ZNF317: variants seen among roughly 807,000 people sequenced by gnomAD.
ZNF317 encodes the protein zinc finger protein 317, also known as KRAB-containing zinc finger protein 317.
ZNF317 carries 17 observed loss-of-function variants against 23.4 expected under a neutral mutation model. That is an observed-to-expected ratio of 0.73 (90% CI 0.50 to 1.09). The LOEUF (loss-of-function observed/expected upper bound fraction) is 1.09, where lower values mean the gene tolerates loss of function less well. Among genes scored for constraint, ZNF317 ranks in the 50% least tolerant of loss-of-function variants. ZNF317 has a pLI of 0.00. For missense variants in ZNF317, 679 were observed against 796.7 expected, an observed-to-expected ratio of 0.85 and a Z score of 1.78; for synonymous variants, 317 against 314.9, an observed-to-expected ratio of 1.01 and a Z score of -0.07.
chr19:9,158,198 G>C, intron 5 of ZNF317, 123 bp downstream of exon 5: 2 of 1,278,278 alleles, frequency 1.6e-6, no homozygotes, highest in South Asian at 3.4e-5. Context: ...CCCTCTTTTT[G>C]CCCATCCATT....
intron 6 of ZNF317, among the ~76,000 whole-genome samples, chr19:9,159,505 A>G (rs541836155): frequency 1.3e-5 from 2 of 150,796 alleles, no homozygotes; most frequent in African/African-American, 2.4e-5. Context: ...CCCAGCCTCA[A>G]TTCAGTGGTT....
chr19:9,148,978 A>G (rs1438916667), intron 1 of ZNF317, among the ~76,000 whole-genome samples: 1 of 152,210 alleles, frequency 6.6e-6, no homozygotes, highest in Admixed American at 6.5e-5. Context: ...GGCCAAGGGT[A>G]TCAGTTGGTT....
chr19:9,158,983 C>A, intron 6 of ZNF317, 75 bp downstream of exon 6: 1 of 998,560 alleles, frequency 1.0e-6, no homozygotes, highest in Non-Finnish European at 1.6e-6. Flanking sequence ...GTTAGAAAAG[C>A]AGTTCAACAC....
chr19:9,156,202 G>T (rs2050780855), intron 2 of ZNF317, among the ~76,000 whole-genome samples, 161 bp downstream of exon 2: 1 of 149,230 alleles, frequency 6.7e-6, no homozygotes, highest in Non-Finnish European at 1.5e-5. Context: ...CAGTGACTGT[G>T]TCTGCTGAGG....
chr19:9,140,622 C>T (rs907087956), intron 1 of ZNF317, 30 bp downstream of exon 1: 6 of 455,376 alleles, frequency 1.3e-5, no homozygotes, highest in Non-Finnish European at 2.6e-5. Flanking sequence ...ACCCTTCTCC[C>T]CCTCAGTTCC....
chr19:9,151,045 A>G (rs893685013), intron 1 of ZNF317, among the ~76,000 whole-genome samples: 1 of 152,206 alleles, frequency 6.6e-6, no homozygotes, highest in African/African-American at 2.4e-5. Flanking sequence ...TATTTGTAGA[A>G]TTGGCATTAA....
In ZNF317 at chr19:9,161,303, C is replaced by G. The variant is rs918921445; in HGVS notation, c.1658C>G (p.Thr553Ser). 2.0e-5 allele frequency: 32 copies of G among 1,613,756 alleles called. No homozygotes were observed. The highest frequency in any genetic ancestry group is 2.7e-5 in the Non-Finnish European group (32 of 1,179,834). Residue 553 changes from threonine to serine, a missense_variant, in exon 7 of 7, where the codon ACC (threonine) becomes AGC (serine). Physicochemically the swap from Thr to Ser is moderately conservative, Grantham distance 58. Coordinates refer to ENST00000247956, the MANE Select transcript of ZNF317 (RefSeq NM_020933.5). This position sits in a 1 kb window ranked among gnomAD's most constrained non-coding sequence, Gnocchi z 4.0. Reference protein sequence around the residue: ...SNLNVHRRIHTGEKPYECLVC... With the variant: ...SNLNVHRRIHSGEKPYECLVC... ...CTGAATGTGCACAGGCGGATCCACACCGGGGAGAAGCCCTACGAATGCCTT... is the reference window on the plus strand; with the variant it reads ...CTGAATGTGCACAGGCGGATCCACAGCGGGGAGAAGCCCTACGAATGCCTT...
At chr19:9,154,548 T>A (rs992652958) in intron 1 of ZNF317, among the ~76,000 whole-genome samples, 3 of 152,232 alleles carry the variant, frequency 2.0e-5, no homozygotes, top group African/African-American at 7.2e-5. Flanking sequence ...GTAGTGTGTC[T>A]GCATAGTTTC....
At chr19:9,155,002 G>A (rs556863588) in intron 1 of ZNF317, among the ~76,000 whole-genome samples, 1 of 152,240 alleles carries the variant, frequency 6.6e-6, no homozygotes, top group African/African-American at 2.4e-5. Flanking sequence ...ATTAATTAAA[G>A]TCTTTTACCC....
chr19:9,156,128 G>C, intron 2 of ZNF317, 87 bp downstream of exon 2: 1 of 1,525,770 alleles, frequency 6.6e-7, no homozygotes. Flanking sequence ...GTACACCATA[G>C]AGGGCTGCTG....
intron 1 of ZNF317, among the ~76,000 whole-genome samples, chr19:9,144,668 T>G (rs573813006): frequency 2.6e-5 from 4 of 152,332 alleles, no homozygotes; most frequent in Admixed American, 2.0e-4. Context: ...TTGCACATAT[T>G]GAGTTCTTTT....
chr19:9,154,168 A>G (rs553105969), intron 1 of ZNF317, among the ~76,000 whole-genome samples: 1 of 152,328 alleles, frequency 6.6e-6, no homozygotes, highest in Non-Finnish European at 1.5e-5. Flanking sequence ...GTCATAGATC[A>G]GTTGTGAGAA....
At chr19:9,145,775 C>T (rs1054530121) in intron 1 of ZNF317, among the ~76,000 whole-genome samples, 3 of 152,128 alleles carry the variant, frequency 2.0e-5, no homozygotes, top group Non-Finnish European at 4.4e-5. Context: ...ATTTATGTTC[C>T]TCAACTCTTT....
intron 1 of ZNF317, among the ~76,000 whole-genome samples, chr19:9,146,568 C>T (rs1270126805): frequency 6.6e-6 from 1 of 151,824 alleles, no homozygotes; most frequent in Non-Finnish European, 1.5e-5. Flanking sequence ...ACTGGGACTA[C>T]AGGCATGTGC....
intron 1 of ZNF317, among the ~76,000 whole-genome samples, chr19:9,150,084 G>C (rs377015100): frequency 3.3e-5 from 5 of 152,146 alleles, no homozygotes; most frequent in African/African-American, 1.2e-4. Flanking sequence ...TGCCATCAAC[G>C]TGGGGAGGCT....
At chr19:9,158,800 A>C (rs757672201) in intron 5 of ZNF317, 26 bp from the exon 6 acceptor site, 1 of 1,481,302 alleles carries the variant, frequency 6.8e-7, no homozygotes, top group African/African-American at 1.4e-5. Flanking sequence ...TTTTCCAACA[A>C]TTAATACTTT....
rs145438899 is a variant in ZNF317, at chr19:9,160,122, C to A, written c.477C>A (p.Ala159=). 3.0e-5 allele frequency: 48 copies of A among 1,613,794 alleles called. No individual in the cohort carries two copies. Among genetic ancestry groups the A allele is most frequent in the Admixed American group, 1.3e-4 (8 of 60,008 alleles). ...ETPSGVTMER[A]GLGEKSTEYA... Reference sequence around the variant, plus strand: ...TACGTCTTAACCAACAGGAAAGAGCCGGTCTTGGAGAGAAGTCCACTGAAT... The same window carrying A: ...TACGTCTTAACCAACAGGAAAGAGCAGGTCTTGGAGAGAAGTCCACTGAAT... Residue 159 remains alanine, a synonymous_variant, in exon 7 of 7, where the codon GCC becomes GCA. Coordinates refer to ENST00000247956, the MANE Select transcript of ZNF317 (RefSeq NM_020933.5). This position sits in a 1 kb window ranked among gnomAD's most constrained non-coding sequence, Gnocchi z 6.8.
At position 9,160,859 on chromosome 19, in the gene ZNF317, G is replaced by C; in HGVS notation, c.1214G>C (p.Arg405Pro). ...AAATCCTTTGGCGATCTCGTGTCCC[G>C]GAGGAAACACATGAGGATTCACATC... ...CGKSFGDLVS[R>P]RKHMRIHIVK... is the part of the protein sequence containing the mutation. The change falls in exon 7 of 7, where the codon CGG (arginine) becomes CCG (proline). Residue 405 changes from arginine to proline, a missense_variant. Arg to Pro is a moderately radical substitution (Grantham distance 103, BLOSUM62 -2). Transcript: ENST00000247956. The surrounding 1 kb of genome is among the most constrained non-coding windows in gnomAD (Gnocchi z 6.8). The C allele has an allele frequency of 1.9e-6, 3 of 1,614,066 alleles. No individual in the cohort carries two copies. The highest frequency in any genetic ancestry group is 2.5e-6 in the Non-Finnish European group (3 of 1,180,004).
intron 1 of ZNF317, among the ~76,000 whole-genome samples, chr19:9,143,983 TTTTCTTTCTTTCTTTC>T (rs150533419): frequency 7.1e-6 from 1 of 140,326 alleles, no homozygotes; most frequent in South Asian, 2.2e-4. Context: ...TTGTACTCTT[TTTTCTTTCTTTCTTTC>T]TTTCTTTCTT....
Sources: allele counts gnomAD v4.1 joint callset (sites outside exome capture counted in the v4.1 genomes callset), GRCh38; gene constraint gnomAD v4.1.1; non-coding constraint Gnocchi (gnomAD v3.1); transcripts MANE v1.5; gene names NCBI Gene and HGNC (gene_info 2026-07-23, HGNC 2026-07-21).